Variants in SUPT3H observed in about 807,000 individuals in gnomAD.
SUPT3H encodes the protein SPT3 homolog, SAGA and STAGA complex component.
SUPT3H carries 44 observed loss-of-function variants against 44.3 expected under a neutral mutation model. The observed-to-expected ratio is 0.99, with a 90% CI of 0.78 to 1.28. The LOEUF is 1.28. Among genes scored for constraint, SUPT3H ranks in the 50% most tolerant of loss-of-function variants. The probability of loss-of-function intolerance (pLI) is 0.00; values close to 1 mark genes in which losing one functional copy is unlikely to be tolerated. For synonymous variants in SUPT3H, 124 were observed against 125.6 expected, an observed-to-expected ratio of 0.99 and a Z score of 0.09; for missense variants, 380 against 387.1, an observed-to-expected ratio of 0.98 and a Z score of 0.15.
intron 2 of SUPT3H, among the ~76,000 whole-genome samples, chr6:45,209,770 T>C (rs925219207): frequency 1.4e-4 from 22 of 152,242 alleles, no homozygotes; most frequent in African/African-American, 3.9e-4. Context: ...CTGCTGTGGG[T>C]AAAATGCTAT....
intron 2 of SUPT3H, among the ~76,000 whole-genome samples, chr6:45,338,171 C>CTAA (rs933414374): frequency 6.6e-6 from 1 of 152,024 alleles, no homozygotes; most frequent in African/African-American, 2.4e-5. Flanking sequence ...GTTTCAACAG[C>CTAA]TAATGCCTGT....
At chr6:44,949,239 G>C (rs1204126075) in intron 9 of SUPT3H, among the ~76,000 whole-genome samples, 1 of 151,944 alleles carries the variant, frequency 6.6e-6, no homozygotes, top group Non-Finnish European at 1.5e-5. Context: ...AGGGCCCGTT[G>C]TGGGGTGGGG....
intron 2 of SUPT3H, among the ~76,000 whole-genome samples, chr6:45,232,253 C>T (rs1768196198): frequency 6.6e-6 from 1 of 152,168 alleles, no homozygotes; most frequent in Admixed American, 6.5e-5. Flanking sequence ...GTTGGGTAGG[C>T]CCCTTTGGCT....
At chr6:45,014,297 C>G (rs981626979) in intron 5 of SUPT3H, among the ~76,000 whole-genome samples, 1 of 152,054 alleles carries the variant, frequency 6.6e-6, no homozygotes, top group Non-Finnish European at 1.5e-5. Context: ...CTCTTACCAT[C>G]CCAAACTTCA....
chr6:45,285,405 C>T (rs553791653), intron 2 of SUPT3H, among the ~76,000 whole-genome samples: 39 of 152,318 alleles, frequency 2.6e-4, no homozygotes, highest in African/African-American at 8.4e-4. Flanking sequence ...TCTCAGGATA[C>T]AAAATCAATG....
At chr6:45,034,765 TA>T (rs898283545) in intron 3 of SUPT3H, among the ~76,000 whole-genome samples, 25 of 152,322 alleles carry the variant, frequency 1.6e-4, no homozygotes, top group Middle Eastern at 3.4e-3. Context: ...CTAACCCTTG[TA>T]AAAACCTTGT....
intron 2 of SUPT3H, among the ~76,000 whole-genome samples, chr6:45,122,948 A>G (rs1375013209): frequency 1.3e-5 from 2 of 152,202 alleles, no homozygotes; most frequent in Non-Finnish European, 1.5e-5. Context: ...AACCTGGGGT[A>G]AATTTCTTTA....
At chr6:45,146,074 A>T (rs957468777) in intron 2 of SUPT3H, among the ~76,000 whole-genome samples, 2 of 152,116 alleles carry the variant, frequency 1.3e-5, no homozygotes, top group African/African-American at 4.8e-5. Flanking sequence ...TGGTGGGAAC[A>T]TAAACTAGTA....
intron 2 of SUPT3H, among the ~76,000 whole-genome samples, chr6:45,245,016 A>C (rs2153649166): frequency 6.6e-6 from 1 of 152,278 alleles, no homozygotes; most frequent in East Asian, 1.9e-4. Flanking sequence ...ACTCTTCCAC[A>C]GTAAAACTAG....
chr6:45,053,740 C>CAAAAAAAAAAA (rs57736879), intron 3 of SUPT3H, among the ~76,000 whole-genome samples: 35 of 59,412 alleles, frequency 5.9e-4, no homozygotes, highest in Middle Eastern at 9.6e-3. Context: ...ACTAAAAATA[C>CAAAAAAAAAAA]AAAAAAAAAA....
At chr6:45,228,586 C>T (rs183179230) in intron 2 of SUPT3H, among the ~76,000 whole-genome samples, 7 of 152,062 alleles carry the variant, frequency 4.6e-5, no homozygotes, top group East Asian at 1.9e-4. Context: ...CAAACACCCG[C>T]GCGCGCGCAC....
At chr6:45,132,030 TAATAG>T (rs933622963) in intron 2 of SUPT3H, among the ~76,000 whole-genome samples, 11 of 152,224 alleles carry the variant, frequency 7.2e-5, no homozygotes, top group Non-Finnish European at 1.3e-4. Flanking sequence ...ACTAATAATA[TAATAG>T]AACAATGATA....
intron 2 of SUPT3H, among the ~76,000 whole-genome samples, chr6:45,221,852 A>G (rs1238940151): frequency 6.6e-6 from 1 of 152,192 alleles, no homozygotes; most frequent in Non-Finnish European, 1.5e-5. Context: ...AACAAATGAA[A>G]GGACTCACTC....
chr6:45,365,099 A>C, intron 2 of SUPT3H, 102 bp downstream of exon 2: 1 of 756,066 alleles, frequency 1.3e-6, no homozygotes, highest in Non-Finnish European at 2.0e-6. Context: ...TTAATAACAA[A>C]TTATTTCCAA....
At chr6:45,197,588 A>G in intron 2 of SUPT3H, 2 of 308,484 alleles carry the variant, frequency 6.5e-6, no homozygotes, top group Non-Finnish European at 1.3e-5. Flanking sequence ...GCAATGTAAC[A>G]AAATTAAGGT....
chr6:45,196,478 C>T (rs1248222355), intron 2 of SUPT3H, among the ~76,000 whole-genome samples: 1 of 152,008 alleles, frequency 6.6e-6, no homozygotes, highest in East Asian at 1.9e-4. Context: ...TCTCTACCAG[C>T]TGGGTGGTAT....
At chr6:45,220,613 A>T (rs1765872783) in intron 2 of SUPT3H, among the ~76,000 whole-genome samples, 1 of 152,240 alleles carries the variant, frequency 6.6e-6, no homozygotes, top group African/African-American at 2.4e-5. Context: ...AAGCACACAT[A>T]TTGGAAACAA....
intron 2 of SUPT3H, among the ~76,000 whole-genome samples, chr6:45,331,115 G>GTA (rs1787398597): frequency 6.7e-6 from 1 of 149,688 alleles, no homozygotes; most frequent in African/African-American, 2.5e-5. Context: ...GTGTGTGTGT[G>GTA]TGTGTGTGTG....
chr6:44,810,407 A>AT (rs988858758), intron 11 of SUPT3H, among the ~76,000 whole-genome samples: 2 of 152,034 alleles, frequency 1.3e-5, no homozygotes, highest in Non-Finnish European at 2.9e-5. Flanking sequence ...TGAATACAGC[A>AT]TTTTTTTGGT....
Sources: gnomAD v4.1 joint callset for allele counts (sites outside exome capture counted in the v4.1 genomes callset) on GRCh38, gnomAD v4.1.1 for gene constraint, MANE v1.5 for transcripts, NCBI Gene and HGNC (gene_info 2026-07-23, HGNC 2026-07-21) for gene names.